The following SEPTIN9 variants were observed in gnomAD, a reference collection of about 807,000 sequenced individuals.
The protein encoded by SEPTIN9 is septin-9.
A neutral mutation model predicts 56.6 loss-of-function variants in SEPTIN9; 13 were observed. The ratio of observed to expected loss-of-function variants is 0.23; its 90% CI spans 0.15 to 0.37. The LOEUF is 0.37. Among genes scored for constraint, SEPTIN9 ranks in the 10% least tolerant of loss-of-function variants. The pLI is 1.00. For synonymous variants in SEPTIN9, 332 were observed against 334.1 expected, an observed-to-expected ratio of 0.99 and a Z score of 0.07; for missense variants, 650 against 823.1, an observed-to-expected ratio of 0.79 and a Z score of 2.57.
chr17:77,432,224 T>C (rs2037171484), intron 3 of SEPTIN9, among the ~76,000 whole-genome samples: 1 of 152,170 alleles, frequency 6.6e-6, no homozygotes, highest in South Asian at 2.1e-4. Flanking sequence ...AATGGGCTAA[T>C]AGAAATGTCC....
intron 3 of SEPTIN9, among the ~76,000 whole-genome samples, chr17:77,454,678 T>G (rs1038682513): frequency 2.6e-5 from 4 of 152,154 alleles, no homozygotes; most frequent in African/African-American, 9.7e-5. Flanking sequence ...GAGTTGGCTG[T>G]TCAAACTCGC....
chr17:77,365,175 T>A (rs967578828), intron 2 of SEPTIN9, among the ~76,000 whole-genome samples: 1 of 152,182 alleles, frequency 6.6e-6, no homozygotes, highest in African/African-American at 2.4e-5. Context: ...CCGCTACATC[T>A]TCTTTCCACT....
intron 2 of SEPTIN9, among the ~76,000 whole-genome samples, chr17:77,372,067 G>A (rs902462445): frequency 5.9e-5 from 9 of 151,852 alleles, no homozygotes; most frequent in South Asian, 2.1e-4. Flanking sequence ...GCTGTCAGGC[G>A]CTCCCCGGCC....
rs759231930 is a variant in SEPTIN9, at chr17:77,497,425, C to T, written c.1625+59C>T. 5 of 1,519,910 alleles carry T rather than the reference C, an allele frequency of 3.3e-6. No individual in the cohort carries two copies. The African/African-American group carries it at 4.1e-5, about 12-fold the overall frequency. 94.2% of individuals were successfully genotyped at this position (1,519,910 alleles called of 1,614,324 possible). A position where few individuals can be genotyped will look rare whatever the true frequency, so the allele number is the denominator to read the frequency against. ...CTTCACCCCTAAGAGGGCCCTACAG[C>T]GGGTGGGGGCAGTGGGTGTGGGGCC... On this transcript the variant is annotated intron_variant, in intron 11 of 11. Transcript: ENST00000427177.
intron 3 of SEPTIN9, among the ~76,000 whole-genome samples, chr17:77,461,480 G>A (rs1459608981): frequency 1.3e-5 from 2 of 152,170 alleles, no homozygotes; most frequent in East Asian, 3.9e-4. Context: ...CCTAGACTCG[G>A]GCTGGAGGCT....
At position 77,499,572 on chromosome 17, in the gene SEPTIN9, G is replaced by C; in HGVS notation, c.*914G>C. On this transcript the variant is annotated 3_prime_UTR_variant, in exon 12 of 12. Coordinates refer to ENST00000427177, the MANE Select transcript of SEPTIN9 (RefSeq NM_001113491.2). ...AGAAGGAAGGTTGGCGGGGGCACGT[G>C]TGGGCCGTGGCTTGGGCTGGTCAGA... 2.2e-6 allele frequency: 1 copy of C among 450,780 alleles called. No individual in the cohort carries two copies. Among genetic ancestry groups the C allele is most frequent in the Non-Finnish European group, 4.2e-6 (1 of 235,612 alleles). The allele number at this position is 450,780 out of a possible 1,614,324, so 27.9% of individuals were successfully genotyped here. A position where few individuals can be genotyped will look rare whatever the true frequency, so the allele number is the denominator to read the frequency against.
Position 77,445,045 on chromosome 17 carries a change from C to A in SEPTIN9, c.722-37099C>A. ...GTGCTGAAACAGCCCAGCAGCTGCG[C>A]TGCCTCACAGAAAATGTGCAGAGGC... On this transcript the variant is annotated intron_variant, in intron 3 of 11. Transcript: ENST00000427177. This position sits in a 1 kb window ranked among gnomAD's most constrained non-coding sequence, Gnocchi z 4.7. 2 of 384,150 alleles carry A rather than the reference C, an allele frequency of 5.2e-6. No homozygotes were observed. The highest frequency in any genetic ancestry group is 3.9e-5 in the South Asian group (2 of 51,188). The allele number at this position is 384,150 out of a possible 1,614,324, so 23.8% of individuals were successfully genotyped here.
Position 77,329,911 on chromosome 17 carries a change from C to G in SEPTIN9, c.76+22714C>G, listed in dbSNP as rs1428447572. 6.6e-6 allele frequency among the ~76,000 whole-genome samples: 1 copy of G among 152,324 alleles called. No individual in the cohort carries two copies. Among genetic ancestry groups the G allele is most frequent in the Non-Finnish European group, 1.5e-5 (1 of 68,032 alleles). On this transcript the variant is annotated intron_variant, in intron 2 of 11. Coordinates refer to ENST00000427177, the MANE Select transcript of SEPTIN9 (RefSeq NM_001113491.2). This position sits in a 1 kb window ranked among gnomAD's most constrained non-coding sequence, Gnocchi z 4.3. ...GAGGGGTGAGCAGGACAAGTGAGGT[C>G]TCCAGACTTGGGGTGGCTTCGGACT...
intron 2 of SEPTIN9, among the ~76,000 whole-genome samples, chr17:77,357,332 G>A (rs981623655): frequency 6.6e-6 from 1 of 151,996 alleles, no homozygotes; most frequent in African/African-American, 2.4e-5. Flanking sequence ...CAGCTACAGT[G>A]GCTCCCTCTT....
At chr17:77,428,365 G>C (rs776930129) in intron 3 of SEPTIN9, among the ~76,000 whole-genome samples, 2 of 152,334 alleles carry the variant, frequency 1.3e-5, no homozygotes, top group Non-Finnish European at 2.9e-5. Context: ...CAGGCGAAGC[G>C]GTCAAGGGAG....
intron 10 of SEPTIN9, among the ~76,000 whole-genome samples, chr17:77,493,729 C>T (rs1243160325): frequency 1.3e-5 from 2 of 151,038 alleles, no homozygotes; most frequent in African/African-American, 4.9e-5. Context: ...GTCACAGGGC[C>T]TTCTTCCCTG....
chr17:77,332,245 C>T (rs891611269), intron 2 of SEPTIN9, among the ~76,000 whole-genome samples: 3 of 152,004 alleles, frequency 2.0e-5, no homozygotes, highest in Non-Finnish European at 4.4e-5. Flanking sequence ...CCAATGCACT[C>T]CAGCCTGGGC....
chr17:77,408,183 A>C (rs181248084), intron 3 of SEPTIN9, among the ~76,000 whole-genome samples: 115 of 152,262 alleles, frequency 7.6e-4, no homozygotes, highest in Middle Eastern at 3.4e-3. Flanking sequence ...CTGGTTCTGA[A>C]CTATCATTCC....
At chr17:77,381,327 A>G (rs1177706667) in intron 2 of SEPTIN9, among the ~76,000 whole-genome samples, 26 of 152,084 alleles carry the variant, frequency 1.7e-4, no homozygotes, top group Non-Finnish European at 3.8e-4. Context: ...AAAGATGGAG[A>G]TGGCTCTGCT....
rs1276982628 is a variant in SEPTIN9, at chr17:77,336,997, CG to C, written c.76+29801del. 2.8e-4 allele frequency among the ~76,000 whole-genome samples: 35 copies of C among 123,288 alleles called. No homozygotes were observed. In the South Asian group the frequency reaches 5.3e-3, roughly 19 times the overall value. The allele number at this position is 123,288 out of a possible 152,430, so 80.9% of individuals were successfully genotyped here. A position where few individuals can be genotyped will look rare whatever the true frequency, so the allele number is the denominator to read the frequency against. ...ATTACAATGATTGATTTTTGCCCCC[CG>C]TTTTTTTTTTTTTTTTTTTTAAAGA... is the stretch of plus-strand genomic sequence containing the variant. On this transcript the variant is annotated intron_variant, in intron 2 of 11. Transcript: ENST00000427177.
In SEPTIN9 at chr17:77,339,318, T is replaced by G. The variant is rs79563510; in HGVS notation, c.76+32121T>G. ...GCAGATACTGCTTTATAAAATATAT[T>G]TCTTAAATAATAAGACTTGAAAATC... On this transcript the variant is annotated intron_variant, in intron 2 of 11. Transcript: ENST00000427177. Among the ~76,000 whole-genome samples, 584 of 152,328 alleles carry G rather than the reference T, an allele frequency of 3.8e-3. 6 individuals are homozygous for G. The highest frequency in any genetic ancestry group is 0.013 in the African/African-American group (548 of 41,580).
In SEPTIN9 at chr17:77,402,114, C is replaced by G. The variant is rs375294714; in HGVS notation, c.132C>G (p.Pro44=). ...TCGAGACACCCAACTCCACCCCACC[C>G]CGGAGGGTCCAGACTCCCCTACTCC... ...EEVETPNSTP[P]RRVQTPLLRA... The change falls in exon 3 of 12, where the codon CCC becomes CCG. Residue 44 remains proline (P), a synonymous_variant. Transcript: ENST00000427177. The surrounding 1 kb of genome is among the most constrained non-coding windows in gnomAD (Gnocchi z 6.6). 1.9e-4 allele frequency: 311 copies of G among 1,613,880 alleles called. No homozygotes were observed. The highest frequency in any genetic ancestry group is 2.4e-4 in the Non-Finnish European group (278 of 1,179,888).
At position 77,340,568 on chromosome 17, in the gene SEPTIN9, T is replaced by G. The variant is rs553742524; in HGVS notation, c.76+33371T>G. Among the ~76,000 whole-genome samples, 6 of 152,346 alleles carry G rather than the reference T, an allele frequency of 3.9e-5. No individual in the cohort carries two copies. The East Asian group carries it at 1.2e-3, about 29-fold the overall frequency. On this transcript the variant is annotated intron_variant, in intron 2 of 11. Transcript: ENST00000427177. ...GAATTCTTAAGGGCCCTAGGATTTTTGGAACGGTCAATGAGTATTGGCTTT... is the reference window on the plus strand; with the variant it reads ...GAATTCTTAAGGGCCCTAGGATTTTGGGAACGGTCAATGAGTATTGGCTTT...
chr17:77,430,274 G>A, intron 3 of SEPTIN9, among the ~76,000 whole-genome samples: 1 of 152,184 alleles, frequency 6.6e-6, no homozygotes, highest in East Asian at 1.9e-4. Flanking sequence ...GGCCTTGAAA[G>A]TCCTTGGAGA....
Sources: gnomAD v4.1 joint callset for allele counts (sites outside exome capture counted in the v4.1 genomes callset) on GRCh38, gnomAD v4.1.1 for gene constraint, Gnocchi (gnomAD v3.1) non-coding constraint, MANE v1.5 for transcripts, NCBI Gene and HGNC (gene_info 2026-07-23, HGNC 2026-07-21) for gene names.